The following FARP2 variants were observed in gnomAD, a reference collection of about 807,000 sequenced individuals.
FARP2 encodes the protein FERM, ARHGEF and pleckstrin domain-containing protein 2.
FARP2 carries 111 observed loss-of-function variants against 130.5 expected under a neutral mutation model. The ratio of observed to expected loss-of-function variants is 0.85; its 90% CI spans 0.73 to 1.00. The LOEUF is 1.00. Among genes scored for constraint, FARP2 ranks in the 50% least tolerant of loss-of-function variants. The probability of loss-of-function intolerance (pLI) is 0.00; values close to 1 mark genes in which losing one functional copy is unlikely to be tolerated. For synonymous variants in FARP2, 504 were observed against 516.9 expected, an observed-to-expected ratio of 0.98 and a Z score of 0.34; for missense variants, 1,385 against 1,346.3, an observed-to-expected ratio of 1.03 and a Z score of -0.45.
chr2:241,404,736 G>C (rs1437738721), intron 3 of FARP2, 63 bp from the exon 4 acceptor site: 6 of 1,287,886 alleles, frequency 4.7e-6, no homozygotes, highest in Non-Finnish European at 6.7e-6. Context: ...TGTTTTTATA[G>C]CATACTTGTT....
intron 26 of FARP2, 37 bp downstream of exon 26, chr2:241,493,481 T>G (rs763591445): frequency 5.8e-5 from 93 of 1,599,234 alleles, no homozygotes; most frequent in Non-Finnish European, 7.5e-5. Flanking sequence ...CAGCTGCCCA[T>G]TTCGATGTCC....
chr2:241,361,469 C>T lies in FARP2; in HGVS notation c.-25+5081C>T, dbSNP rs549246780. Among the ~76,000 whole-genome samples, 12 of 152,298 alleles carry T rather than the reference C, an allele frequency of 7.9e-5. No individual in the cohort carries two copies. The South Asian group carries it at 2.5e-3, about 32-fold the overall frequency. Reference sequence around the variant, plus strand: ...GTGGATCTCAAAAATGCCAGCAGCACCTCCCAAGCTACCTGACATGAAGGG... The same window carrying T: ...GTGGATCTCAAAAATGCCAGCAGCATCTCCCAAGCTACCTGACATGAAGGG... On this transcript the variant is annotated intron_variant, in intron 1 of 26. Coordinates refer to ENST00000264042, the MANE Select transcript of FARP2 (RefSeq NM_014808.4).
chr2:241,465,854 A>G lies in FARP2; in HGVS notation c.1893+1874A>G, dbSNP rs900668129. The G allele has an allele frequency of 1.6e-5, 24 of 1,514,238 alleles. No homozygotes were observed. In the African/African-American group the frequency reaches 1.9e-4, roughly 12 times the overall value. 93.8% of individuals were successfully genotyped at this position (1,514,238 alleles called of 1,614,324 possible). A position where few individuals can be genotyped will look rare whatever the true frequency, so the allele number is the denominator to read the frequency against. On this transcript the variant is annotated intron_variant, in intron 17 of 26. Transcript: ENST00000264042. ...TCACACCTAGAGTTCCCAAGGGACT[A>G]TAGGTTTTGCTGTTCTGTGTTGAGA...
chr2:241,365,594 G>A (rs192553450), intron 1 of FARP2, among the ~76,000 whole-genome samples: 126 of 152,068 alleles, frequency 8.3e-4, no homozygotes, highest in Non-Finnish European at 1.3e-3. Context: ...TACACACACC[G>A]TTTCCTTTTT....
chr2:241,454,314 C>T (rs2063775345), intron 13 of FARP2, among the ~76,000 whole-genome samples: 2 of 152,110 alleles, frequency 1.3e-5, no homozygotes, highest in Admixed American at 6.6e-5. Context: ...GCTGTGAGGA[C>T]CCCTGGAAGG....
chr2:241,434,928 G>T, intron 10 of FARP2, 34 bp from the exon 11 acceptor site: 2 of 1,271,654 alleles, frequency 1.6e-6, no homozygotes, highest in South Asian at 1.3e-5. Flanking sequence ...CTGACTTACT[G>T]TTCTTTATTA....
At chr2:241,370,426 A>G (rs1177326662) in intron 1 of FARP2, among the ~76,000 whole-genome samples, 1 of 152,200 alleles carries the variant, frequency 6.6e-6, no homozygotes, top group African/African-American at 2.4e-5. Flanking sequence ...TCTCACCACA[A>G]AAAATTTGAA....
intron 8 of FARP2, among the ~76,000 whole-genome samples, chr2:241,426,956 T>C (rs947881362): frequency 2.0e-5 from 3 of 152,140 alleles, no homozygotes; most frequent in Non-Finnish European, 4.4e-5. Flanking sequence ...CAATACAGGC[T>C]GGGCGCGGTG....
At chr2:241,450,091 C>T (rs2063611244) in intron 13 of FARP2, among the ~76,000 whole-genome samples, 1 of 151,876 alleles carries the variant, frequency 6.6e-6, no homozygotes, top group Admixed American at 6.6e-5. Context: ...TGTCTTTTGG[C>T]CAGGAATCAG....
chr2:241,433,445 T>A (rs2063141859), intron 9 of FARP2, among the ~76,000 whole-genome samples: 1 of 152,202 alleles, frequency 6.6e-6, no homozygotes, highest in Admixed American at 6.5e-5. Context: ...AGGGCAATAT[T>A]TGTAGGCCTG....
rs569380319 is a variant in FARP2 at position 241,482,002 on chromosome 2, T to C, written c.2263-1463T>C. On this transcript the variant is annotated intron_variant, in intron 19 of 26. Coordinates refer to ENST00000264042, the MANE Select transcript of FARP2 (RefSeq NM_014808.4). This position sits in a 1 kb window ranked among gnomAD's most constrained non-coding sequence, Gnocchi z 4.6. ...ATTAGTCAAAATCTCTAAAGTCATG[T>C]CTGGATAGCCCAGAATTTCTTGTCT... 1.0e-3 allele frequency among the ~76,000 whole-genome samples: 158 copies of C among 152,374 alleles called. No individual in the cohort carries two copies. Among genetic ancestry groups the C allele is most frequent in the Non-Finnish European group, 1.6e-3 (112 of 68,038 alleles).
At chr2:241,397,227 T>C (rs536086782) in intron 2 of FARP2, among the ~76,000 whole-genome samples, 4 of 152,250 alleles carry the variant, frequency 2.6e-5, no homozygotes, top group East Asian at 1.9e-4. Flanking sequence ...GAGATATACC[T>C]AGTGCTAAAT....
In FARP2 at chr2:241,441,293, T is replaced by C. The variant is rs1477325158; in HGVS notation, c.1159-11T>C. On this transcript the variant is annotated splice_polypyrimidine_tract_variant and intron_variant, in intron 12 of 26. Coordinates refer to ENST00000264042, the MANE Select transcript of FARP2 (RefSeq NM_014808.4). ...ATATCCTTTTTTTCTTTTCTTAACTTTGGTTCCCAGAGCATCTCATTCCCC... is the reference window on the plus strand; with the variant it reads ...ATATCCTTTTTTTCTTTTCTTAACTCTGGTTCCCAGAGCATCTCATTCCCC... The C allele has an allele frequency of 6.4e-7, 1 of 1,557,030 alleles. No individual in the cohort carries two copies. Among genetic ancestry groups the C allele is most frequent in the Non-Finnish European group, 8.7e-7 (1 of 1,152,478 alleles).
intron 1 of FARP2, among the ~76,000 whole-genome samples, chr2:241,370,701 G>A (rs1191897892): frequency 2.0e-5 from 3 of 152,158 alleles, no homozygotes; most frequent in Admixed American, 1.3e-4. Context: ...TGCAAAAACG[G>A]TAATTTTGTT....
intron 13 of FARP2, among the ~76,000 whole-genome samples, chr2:241,447,323 TG>T (rs1206363076): frequency 6.6e-6 from 1 of 152,154 alleles, no homozygotes; most frequent in Admixed American, 6.5e-5. Flanking sequence ...TTGTGCAGAT[TG>T]TCTTGTTTTA....
chr2:241,381,137 C>T (rs765478100), intron 2 of FARP2, among the ~76,000 whole-genome samples: 6 of 152,230 alleles, frequency 3.9e-5, no homozygotes, highest in Non-Finnish European at 5.9e-5. Context: ...TCTCTGTGTC[C>T]GTTTCCCTCC....
intron 5 of FARP2, among the ~76,000 whole-genome samples, chr2:241,409,409 G>A (rs1419960723): frequency 2.6e-5 from 4 of 152,012 alleles, no homozygotes; most frequent in Non-Finnish European, 5.9e-5. Flanking sequence ...AATTAGCCAG[G>A]CATGGTGGCA....
At chr2:241,421,572 AAG>A (rs1291695923) in intron 8 of FARP2, among the ~76,000 whole-genome samples, 1 of 152,122 alleles carries the variant, frequency 6.6e-6, no homozygotes, top group Non-Finnish European at 1.5e-5. Context: ...CTGGATAAGG[AAG>A]AGTTCCCCCA....
In FARP2 at chr2:241,361,612, G is replaced by A. The variant is rs540294181; in HGVS notation, c.-25+5224G>A. 3.3e-5 allele frequency among the ~76,000 whole-genome samples: 5 copies of A among 152,260 alleles called. No homozygotes were observed. In the South Asian group the frequency reaches 1.0e-3, roughly 32 times the overall value. ...TATGACCATAGGGACACTCTGCTTA[G>A]GGCCTTTCTCGGGACCTTGGAAGGA... On this transcript the variant is annotated intron_variant, in intron 1 of 26. Transcript: ENST00000264042.
Sources: allele counts gnomAD v4.1 joint callset (sites outside exome capture counted in the v4.1 genomes callset), GRCh38; gene constraint gnomAD v4.1.1; non-coding constraint Gnocchi (gnomAD v3.1); transcripts MANE v1.5; gene names NCBI Gene and HGNC (gene_info 2026-07-23, HGNC 2026-07-21).